The following MBD5 variants were observed in gnomAD, a reference collection of about 807,000 sequenced individuals.
The protein encoded by MBD5 is methyl-CpG binding domain protein 5, also known as methyl-CpG-binding domain protein 5.
A neutral mutation model predicts 117.3 loss-of-function variants in MBD5; 13 were observed. The ratio of observed to expected loss-of-function variants is 0.11; its 90% CI spans 0.07 to 0.18. MBD5 has a LOEUF of 0.18. Ranked by LOEUF, MBD5 falls within the 10% of genes least tolerant of loss-of-function variation. MBD5 has a pLI of 1.00. For synonymous variants in MBD5, 727 were observed against 766.4 expected (o/e 0.95, Z 0.85); for missense variants, 1,879 against 2,093.8 (o/e 0.90, Z 2.00).
chr2:148,446,143 C>T (rs1706505931), intron 4 of MBD5, among the ~76,000 whole-genome samples: 2 of 151,388 alleles, frequency 1.3e-5, no homozygotes, highest in South Asian at 4.2e-4. Context: ...TTAATTAGAT[C>T]CCATTTGTCT....
At chr2:148,363,907 G>T (rs1422172064) in intron 4 of MBD5, among the ~76,000 whole-genome samples, 1 of 152,132 alleles carries the variant, frequency 6.6e-6, no homozygotes, top group Non-Finnish European at 1.5e-5. Context: ...ATGGAACCAA[G>T]TTGGAAAACA....
chr2:148,097,602 T>TC (rs1392486207), intron 1 of MBD5, among the ~76,000 whole-genome samples: 2 of 152,186 alleles, frequency 1.3e-5, no homozygotes, highest in Non-Finnish European at 2.9e-5. Flanking sequence ...AGTTTGAGAA[T>TC]CCCACAGGAT....
chr2:148,030,130 G>A (rs1693999161), intron 1 of MBD5, among the ~76,000 whole-genome samples: 2 of 152,028 alleles, frequency 1.3e-5, no homozygotes, highest in African/African-American at 4.8e-5. Flanking sequence ...AATTAGCCAG[G>A]CTTGGTGGCA....
chr2:148,476,496 T>C (rs1680969686), intron 8 of MBD5, among the ~76,000 whole-genome samples: 2 of 152,174 alleles, frequency 1.3e-5, no homozygotes, highest in South Asian at 4.1e-4. Context: ...ATGATTTTAA[T>C]CACTCACAAA....
chr2:148,299,753 G>A (rs747766980), intron 3 of MBD5, among the ~76,000 whole-genome samples: 4 of 152,124 alleles, frequency 2.6e-5, no homozygotes, highest in Non-Finnish European at 4.4e-5. Context: ...TTTCTATTAT[G>A]TATGATCTCC....
At chr2:148,390,531 G>A (rs1359807576) in intron 4 of MBD5, among the ~76,000 whole-genome samples, 3 of 140,970 alleles carry the variant, frequency 2.1e-5, no homozygotes, top group Admixed American at 7.4e-5. Context: ...GTGTGTGTGT[G>A]TATATGTGTG....
chr2:148,142,293 A>G (rs1697338868), intron 1 of MBD5, among the ~76,000 whole-genome samples: 1 of 152,182 alleles, frequency 6.6e-6, no homozygotes, highest in Non-Finnish European at 1.5e-5. Context: ...CACACTCAGG[A>G]ATATAATCAC....
intron 2 of MBD5, among the ~76,000 whole-genome samples, chr2:148,216,539 T>A (rs186631319): frequency 6.6e-6 from 1 of 152,368 alleles, no homozygotes; most frequent in African/African-American, 2.4e-5. Flanking sequence ...AATACAGGTA[T>A]CTACCGTGAT....
At chr2:148,408,953 G>T (rs1574393032) in intron 4 of MBD5, among the ~76,000 whole-genome samples, 2 of 152,202 alleles carry the variant, frequency 1.3e-5, no homozygotes, top group East Asian at 3.9e-4. Context: ...CATGGACATA[G>T]GTTATAGGCA....
intron 4 of MBD5, among the ~76,000 whole-genome samples, chr2:148,437,299 A>AGTTTATAGCT (rs1706182620): frequency 6.6e-6 from 1 of 152,084 alleles, no homozygotes; most frequent in Non-Finnish European, 1.5e-5. Flanking sequence ...TTTATTTTTA[A>AGTTTATAGCT]GTTTATAGCT....
At chr2:148,472,797 A>G (rs1188618924) in intron 8 of MBD5, among the ~76,000 whole-genome samples, 2 of 152,188 alleles carry the variant, frequency 1.3e-5, no homozygotes, top group Non-Finnish European at 2.9e-5. Flanking sequence ...AAATGTTGCT[A>G]TAGCTATCTA....
At position 148,506,286 on chromosome 2, in the gene MBD5, A is replaced by G. The variant is rs13426698; in HGVS notation, c.5037-3774A>G. ...TAAAGAAAAATTCCACAGCTTTTACATATGTTATAGTTTTCATTTAAGCGA... is the reference window on the plus strand; with the variant it reads ...TAAAGAAAAATTCCACAGCTTTTACGTATGTTATAGTTTTCATTTAAGCGA... On this transcript the variant is annotated intron_variant, in intron 12 of 13. Coordinates refer to ENST00000642680, the MANE Select transcript of MBD5 (RefSeq NM_001378120.1). Among the ~76,000 whole-genome samples the G allele has an allele frequency of 4.6e-3, 698 of 152,380 alleles. 1 individual carries two copies. The highest frequency in any genetic ancestry group is 7.4e-3 in the Admixed American group (114 of 15,306).
At chr2:148,180,228 G>T (rs1698492204) in intron 2 of MBD5, among the ~76,000 whole-genome samples, 1 of 150,548 alleles carries the variant, frequency 6.6e-6, no homozygotes, top group Middle Eastern at 3.4e-3. Flanking sequence ...TGGTGACTTG[G>T]TTACTTGGAA....
chr2:148,045,239 A>T (rs563453895), intron 1 of MBD5, among the ~76,000 whole-genome samples: 1 of 152,316 alleles, frequency 6.6e-6, no homozygotes, highest in African/African-American at 2.4e-5. Flanking sequence ...ATTCAGTACA[A>T]TTTGTATTCC....
At chr2:148,254,061 C>A (rs1022646695) in intron 3 of MBD5, among the ~76,000 whole-genome samples, 1 of 152,192 alleles carries the variant, frequency 6.6e-6, no homozygotes, top group African/African-American at 2.4e-5. Flanking sequence ...CCATAACTCA[C>A]AACAACAATA....
intron 3 of MBD5, among the ~76,000 whole-genome samples, chr2:148,317,657 A>T (rs1351139926): frequency 6.6e-6 from 1 of 151,062 alleles, no homozygotes; most frequent in African/African-American, 2.4e-5. Context: ...TCCACTCTGT[A>T]TGTCCAAGTG....
intron 4 of MBD5, among the ~76,000 whole-genome samples, chr2:148,381,873 A>T (rs1258011902): frequency 6.6e-6 from 1 of 152,162 alleles, no homozygotes; most frequent in Non-Finnish European, 1.5e-5. Context: ...TCATAAGTGA[A>T]GGAGAAATAA....
chr2:148,463,255 C>T (rs538061470), intron 6 of MBD5, among the ~76,000 whole-genome samples: 18 of 152,114 alleles, frequency 1.2e-4, no homozygotes, highest in East Asian at 1.2e-3. Flanking sequence ...ATTTGTGTGT[C>T]ACCGCATTCC....
At chr2:148,147,187 A>AT (rs147429684) in intron 1 of MBD5, among the ~76,000 whole-genome samples, 1,582 of 151,960 alleles carry the variant, frequency 0.01, 27 homozygotes, top group African/African-American at 0.036. Context: ...TCCTTTTTGC[A>AT]TATATCATAA....
Sources: allele counts gnomAD v4.1 joint callset (sites outside exome capture counted in the v4.1 genomes callset), GRCh38; gene constraint gnomAD v4.1.1; transcripts MANE v1.5; gene names NCBI Gene and HGNC (gene_info 2026-07-23, HGNC 2026-07-21).